Variants in CRIM1 observed in about 807,000 individuals in gnomAD.
CRIM1 encodes the protein cysteine-rich motor neuron 1 protein.
A neutral mutation model predicts 116.4 loss-of-function variants in CRIM1; 32 were observed. The ratio of observed to expected loss-of-function variants is 0.27; its 90% CI spans 0.21 to 0.37. The LOEUF (loss-of-function observed/expected upper bound fraction) is 0.37. Ranked by LOEUF, CRIM1 falls within the 10% of genes least tolerant of loss-of-function variation. The pLI is 1.00. For missense variants in CRIM1, 1,331 were observed against 1,354.8 expected, an observed-to-expected ratio of 0.98 and a Z score of 0.28; for synonymous variants, 590 against 509.2, an observed-to-expected ratio of 1.16 and a Z score of -2.13.
intron 7 of CRIM1, among the ~76,000 whole-genome samples, 176 bp downstream of exon 7, chr2:36,479,870 A>G (rs114278144): frequency 6.6e-6 from 1 of 152,362 alleles, no homozygotes; most frequent in African/African-American, 2.4e-5. Flanking sequence ...AAGGTTGCAC[A>G]TGTGAAATGA....
At chr2:36,439,386 G>A (rs561100245) in intron 2 of CRIM1, among the ~76,000 whole-genome samples, 4 of 152,274 alleles carry the variant, frequency 2.6e-5, no homozygotes, top group South Asian at 2.1e-4. Flanking sequence ...ATCTTTCTAA[G>A]AAGGGACCTG....
At position 36,429,012 on chromosome 2, in the gene CRIM1, G is replaced by A. The variant is rs1019957390; in HGVS notation, c.506-12246G>A. ...TTCCCATAATGCTGTTTAGAGTTGC[G>A]CCTTCCCCTTCTACTTTTCCCCTCT... On this transcript the variant is annotated intron_variant, in intron 2 of 16. Coordinates refer to ENST00000280527, the MANE Select transcript of CRIM1 (RefSeq NM_016441.3). Among the ~76,000 whole-genome samples, 6 of 152,126 alleles carry A rather than the reference G, an allele frequency of 3.9e-5. No individual in the cohort carries two copies. The East Asian group carries it at 5.8e-4, about 15-fold the overall frequency.
chr2:36,461,660 A>G (rs560103513), intron 4 of CRIM1, among the ~76,000 whole-genome samples: 8 of 152,342 alleles, frequency 5.3e-5, no homozygotes, highest in Admixed American at 2.0e-4. Context: ...TTTTAAAACT[A>G]CATGGGACTC....
intron 1 of CRIM1, among the ~76,000 whole-genome samples, chr2:36,387,787 A>G (rs930632776): frequency 1.3e-5 from 2 of 152,256 alleles, no homozygotes; most frequent in African/African-American, 2.4e-5. Flanking sequence ...ACTACTCATT[A>G]AAAGCCATTT....
At chr2:36,485,761 C>G (rs970790280) in intron 7 of CRIM1, among the ~76,000 whole-genome samples, 1 of 152,078 alleles carries the variant, frequency 6.6e-6, no homozygotes, top group Non-Finnish European at 1.5e-5. Flanking sequence ...TAACAGGGAT[C>G]AAAACTCAGT....
rs555180830 is a variant in CRIM1 at position 36,356,292 on chromosome 2, G to A, written c.-1G>A. ...GGAGGAGGCGGCGGCGGCGCAGGAG[G>A]ATGTACTTGGTGGCGGGGGACAGGG... On this transcript the variant is annotated 5_prime_UTR_variant, in exon 1 of 17. Transcript: ENST00000280527. This position sits in a 1 kb window ranked among gnomAD's most constrained non-coding sequence, Gnocchi z 4.3. 2.0e-4 allele frequency: 295 copies of A among 1,504,594 alleles called. No homozygotes were observed. In the South Asian group the frequency reaches 3.6e-3, roughly 18 times the overall value. The allele number at this position is 1,504,594 out of a possible 1,614,324, so 93.2% of individuals were successfully genotyped here.
intron 2 of CRIM1, among the ~76,000 whole-genome samples, chr2:36,420,452 T>C (rs1673964756): frequency 6.6e-6 from 1 of 152,168 alleles, no homozygotes; most frequent in African/African-American, 2.4e-5. Flanking sequence ...CCAATCCTGT[T>C]ACTTTATTGT....
intron 7 of CRIM1, among the ~76,000 whole-genome samples, chr2:36,482,218 A>G (rs1679474119): frequency 6.6e-6 from 1 of 152,148 alleles, no homozygotes; most frequent in African/African-American, 2.4e-5. Flanking sequence ...CTCAGAAATA[A>G]TTTATCTTGC....
In CRIM1 at chr2:36,550,806, T is replaced by C. The variant is rs1016495567; in HGVS notation, c.*2105T>C. ...CCATTCCTGGCATAAAAAGTCTTTA[T>C]CAAAAAAAATTGTAGATGCTTGCTT... On this transcript the variant is annotated 3_prime_UTR_variant, in exon 17 of 17. Coordinates refer to ENST00000280527, the MANE Select transcript of CRIM1 (RefSeq NM_016441.3). The C allele has an allele frequency of 1.3e-5, 2 of 152,506 alleles. No individual in the cohort carries two copies. The highest frequency in any genetic ancestry group is 2.4e-5 in the African/African-American group (1 of 41,434). The allele number at this position is 152,506 out of a possible 1,614,324, so 9.4% of individuals were successfully genotyped here.
At chr2:36,476,813 G>C (rs940168595) in intron 5 of CRIM1, 76 bp from the exon 6 acceptor site, 2 of 1,223,572 alleles carry the variant, frequency 1.6e-6, no homozygotes, top group African/African-American at 3.1e-5. Context: ...ATTTTCTAGA[G>C]GCTGTTTGAA....
At chr2:36,548,236 C>G (rs994555265) in intron 16 of CRIM1, among the ~76,000 whole-genome samples, 8 of 151,152 alleles carry the variant, frequency 5.3e-5, no homozygotes, top group African/African-American at 1.9e-4. Flanking sequence ...ACAAGGTCTG[C>G]ACTTCAAGGA....
intron 2 of CRIM1, 122 bp from the exon 3 acceptor site, chr2:36,441,136 T>C: frequency 1.5e-6 from 2 of 1,337,258 alleles, no homozygotes; most frequent in Non-Finnish European, 1.0e-6. Context: ...AGGTTTACAC[T>C]GAATTTCTTT....
intron 2 of CRIM1, among the ~76,000 whole-genome samples, chr2:36,405,610 G>A (rs867744568): frequency 2.6e-5 from 4 of 152,194 alleles, no homozygotes; most frequent in African/African-American, 9.7e-5. Flanking sequence ...CACAGTTTGA[G>A]TAGAAAAGTT....
chr2:36,407,482 CGTT>C (rs1389007900), intron 2 of CRIM1, among the ~76,000 whole-genome samples: 1 of 151,910 alleles, frequency 6.6e-6, no homozygotes, highest in Admixed American at 6.6e-5. Context: ...TGTTTTAAAT[CGTT>C]GTTCTGATGT....
intron 11 of CRIM1, among the ~76,000 whole-genome samples, chr2:36,516,988 G>A (rs759203077): frequency 2.6e-5 from 4 of 152,172 alleles, no homozygotes; most frequent in Admixed American, 6.5e-5. Context: ...ATCTGAATCC[G>A]AGACAGTTCC....
At chr2:36,506,987 G>A (rs957500941) in intron 8 of CRIM1, among the ~76,000 whole-genome samples, 1 of 152,002 alleles carries the variant, frequency 6.6e-6, no homozygotes, top group African/African-American at 2.4e-5. Flanking sequence ...AGCCTCCCAA[G>A]TAGCTGGGAT....
Position 36,477,131 on chromosome 2 carries a change from C to A in CRIM1, c.1174+60C>A, listed in dbSNP as rs1311593637. 9 of 1,328,068 alleles carry A rather than the reference C, an allele frequency of 6.8e-6. No homozygotes were observed. The East Asian group carries it at 1.5e-4, about 23-fold the overall frequency. The allele number at this position is 1,328,068 out of a possible 1,614,324, so 82.3% of individuals were successfully genotyped here. ...CATACATGGTATAGAGTTCTAAAAT[C>A]AAAATCGTCCTAATTCAGTCTCATC... is the stretch of plus-strand genomic sequence containing the variant. On this transcript the variant is annotated intron_variant, in intron 6 of 16. Transcript: ENST00000280527.
chr2:36,385,380 C>T (rs1021109342), intron 1 of CRIM1, among the ~76,000 whole-genome samples: 2 of 152,166 alleles, frequency 1.3e-5, no homozygotes, highest in African/African-American at 4.8e-5. Flanking sequence ...ACTTCCAGAT[C>T]ATTACACCTT....
At chr2:36,485,315 G>T (rs1469037572) in intron 7 of CRIM1, among the ~76,000 whole-genome samples, 1 of 152,186 alleles carries the variant, frequency 6.6e-6, no homozygotes, top group African/African-American at 2.4e-5. Flanking sequence ...TGGATGTCAG[G>T]CACGTCTTGA....
Sources: allele counts gnomAD v4.1 joint callset (sites outside exome capture counted in the v4.1 genomes callset), GRCh38; gene constraint gnomAD v4.1.1; non-coding constraint Gnocchi (gnomAD v3.1); transcripts MANE v1.5; gene names NCBI Gene and HGNC (gene_info 2026-07-23, HGNC 2026-07-21).